Variants in TRIM49 observed in about 807,000 individuals in gnomAD.
TRIM49 encodes the protein tripartite motif containing 49, also known as tripartite motif-containing protein 49.
A neutral mutation model predicts 27.4 loss-of-function variants in TRIM49; 5 were observed. That is an observed-to-expected ratio of 0.18 (90% confidence interval 0.10 to 0.38). The LOEUF (loss-of-function observed/expected upper bound fraction) is 0.38. TRIM49 is among the 10% of genes least tolerant of loss of function. The pLI is 1.00. For synonymous variants in TRIM49, 69 were observed against 166.0 expected, an observed-to-expected ratio of 0.42 and a Z score of 4.49; for missense variants, 188 against 487.5, an observed-to-expected ratio of 0.39 and a Z score of 5.79.
the TRIM49 span, among the ~76,000 whole-genome samples, chr11:89,776,576 ATCT>A: frequency 2.0e-5 from 3 of 148,504 alleles, no homozygotes; most frequent in African/African-American, 7.5e-5. Context: ...CATATTTTTA[ATCT>A]TCTTGCTGTT....
downstream of TRIM49, among the ~76,000 whole-genome samples, chr11:89,794,417 C>A (rs1949674958): frequency 2.0e-5 from 3 of 149,592 alleles, no homozygotes; most frequent in African/African-American, 7.4e-5. Context: ...CAAAAAAGAG[C>A]CCTCACAGCC....
chr11:89,793,470 T>C (rs1486414199), downstream of TRIM49, among the ~76,000 whole-genome samples: 3 of 152,144 alleles, frequency 2.0e-5, no homozygotes, highest in African/African-American at 7.2e-5. Flanking sequence ...TGAACATCGA[T>C]GCAAAAATTC....
chr11:89,776,913 CT>C, the TRIM49 span: 1 of 1,500,754 alleles, frequency 6.7e-7, no homozygotes, highest in African/African-American at 1.4e-5. Context: ...CCTTTTTTTC[CT>C]TTTCATCGGG....
the TRIM49 span, chr11:89,789,602 T>C: frequency 5.9e-5 from 9 of 151,520 alleles, no homozygotes; most frequent in African/African-American, 2.0e-4. Context: ...GTGGCCACTT[T>C]GTGGAGCTCC....
At chr11:89,776,781 C>T in the TRIM49 span, among the ~76,000 whole-genome samples, 7 of 151,468 alleles carry the variant, frequency 4.6e-5, no homozygotes, top group Admixed American at 1.3e-4. Context: ...TCTTCAATGG[C>T]TATTGAGCGA....
downstream of TRIM49, among the ~76,000 whole-genome samples, chr11:89,792,979 A>G (rs1279639553): frequency 1.9e-4 from 29 of 152,168 alleles, no homozygotes; most frequent in African/African-American, 6.3e-4. Flanking sequence ...AAAGATCAAC[A>G]AAATTGATAG....
the TRIM49 span, chr11:89,787,271 C>G: frequency 4.4e-6 from 1 of 229,246 alleles, no homozygotes; most frequent in Non-Finnish European, 8.5e-6. Flanking sequence ...GACCACGAGC[C>G]TCTAACAGCC....
chr11:89,769,356 T>G, the TRIM49 span, among the ~76,000 whole-genome samples: 1 of 136,104 alleles, frequency 7.3e-6, no homozygotes, highest in Non-Finnish European at 1.5e-5. Flanking sequence ...TCTGACAAAG[T>G]AATGATGGCA....
rs1949763165 is a variant in TRIM49 at position 89,804,086 on chromosome 11, G to A, written c.384C>T (p.Pro128=). Residue 128 remains proline (P), a synonymous_variant, in exon 3 of 8, where the codon CCC becomes CCT. Coordinates refer to ENST00000329758, the MANE Select transcript of TRIM49 (RefSeq NM_020358.2). ...GGTGTTCCTCAGCAGCCCACTCAATGGGACGGTGTCTGTGATACCGGTGCT... is the reference window on the plus strand; with the variant it reads ...GGTGTTCCTCAGCAGCCCACTCAATAGGACGGTGTCTGTGATACCGGTGCT... ...SQEHRYHRHR[P]IEWAAEEHRE... 1.2e-6 allele frequency: 2 copies of A among 1,608,130 alleles called. No individual in the cohort carries two copies. The highest frequency in any genetic ancestry group is 2.7e-5 in the African/African-American group (2 of 73,842).
the TRIM49 span, chr11:89,787,900 C>A: frequency 1.3e-5 from 5 of 399,808 alleles, no homozygotes; most frequent in African/African-American, 5.1e-5. Context: ...GGCTGGGCAC[C>A]GTGGCAGCTC....
chr11:89,802,293 G>A (rs1392357564), intron 4 of TRIM49, among the ~76,000 whole-genome samples: 16 of 150,680 alleles, frequency 1.1e-4, no homozygotes, highest in Admixed American at 9.2e-4. Context: ...CTATTTCTGA[G>A]ATATGCACCA....
At chr11:89,777,411 T>C in the TRIM49 span, 1 of 1,537,942 alleles carries the variant, frequency 6.5e-7, no homozygotes, top group African/African-American at 1.4e-5. Context: ...TAAGGCAGTT[T>C]GAATTATACA....
At chr11:89,793,391 G>A (rs1240431033), downstream of TRIM49, among the ~76,000 whole-genome samples, 1 of 152,144 alleles carries the variant, frequency 6.6e-6, no homozygotes, top group East Asian at 1.9e-4. Flanking sequence ...TATGAGGCCA[G>A]CATCATCCTG....
downstream of TRIM49, among the ~76,000 whole-genome samples, chr11:89,795,910 A>G (rs1184648788): frequency 2.6e-5 from 4 of 151,934 alleles, no homozygotes; most frequent in Admixed American, 2.0e-4. Context: ...AACTTTCCAG[A>G]GAAGACATCT....
chr11:89,768,145 C>A, the TRIM49 span: 4 of 1,025,158 alleles, frequency 3.9e-6, no homozygotes, highest in Non-Finnish European at 5.7e-6. Context: ...AAAACCATAA[C>A]TGAAGGCATT....
downstream of TRIM49, among the ~76,000 whole-genome samples, chr11:89,794,697 GA>G (rs1949676425): frequency 6.9e-6 from 1 of 144,726 alleles, no homozygotes; most frequent in Non-Finnish European, 1.5e-5. Context: ...GTAGAAAGCT[GA>G]AACTGGATCC....
At chr11:89,803,615 G>C (rs892663263) in intron 4 of TRIM49, 83 bp downstream of exon 4, 24 of 1,296,910 alleles carry the variant, frequency 1.9e-5, no homozygotes, top group Non-Finnish European at 2.5e-5. Flanking sequence ...AAACATTACA[G>C]TTTGATATCA....
At chr11:89,791,393 T>C in the TRIM49 span, among the ~76,000 whole-genome samples, 8 of 151,780 alleles carry the variant, frequency 5.3e-5, no homozygotes. Context: ...ATATAGAGAA[T>C]ACCACAAAGA....
downstream of TRIM49, among the ~76,000 whole-genome samples, chr11:89,797,045 A>T (rs1394923562): frequency 6.6e-6 from 1 of 152,136 alleles, no homozygotes; most frequent in Non-Finnish European, 1.5e-5. Context: ...AACACACAAT[A>T]TTGTGTGTCT....
Sources: gnomAD v4.1 joint callset for allele counts (sites outside exome capture counted in the v4.1 genomes callset) on GRCh38, gnomAD v4.1.1 for gene constraint, MANE v1.5 for transcripts, NCBI Gene and HGNC (gene_info 2026-07-23, HGNC 2026-07-21) for gene names.